The following THOC7 variants were observed in gnomAD, a reference collection of about 807,000 sequenced individuals.
The protein encoded by THOC7 is NIF3L1-binding protein 1.
A neutral mutation model predicts 33.1 loss-of-function variants in THOC7; 22 were observed. The ratio of observed to expected loss-of-function variants is 0.66; its 90% CI spans 0.47 to 0.95. The LOEUF (loss-of-function observed/expected upper bound fraction) is 0.95, where lower values mean the gene tolerates loss of function less well. Ranked by LOEUF, THOC7 falls within the 40% of genes least tolerant of loss-of-function variation. The probability of loss-of-function intolerance (pLI) is 0.00; values close to 1 mark genes in which losing one functional copy is unlikely to be tolerated. For synonymous variants in THOC7, 77 were observed against 76.8 expected (o/e 1.00, Z -0.01); for missense variants, 184 against 245.3 (o/e 0.75, Z 1.67).
At chr3:63,853,077 G>C (rs1702047220) in intron 1 of THOC7, among the ~76,000 whole-genome samples, 1 of 151,764 alleles carries the variant, frequency 6.6e-6, no homozygotes, top group South Asian at 2.1e-4. Context: ...CTTGAATCCA[G>C]GAGGTGGAGT....
intron 1 of THOC7, among the ~76,000 whole-genome samples, chr3:63,857,264 T>C (rs1435128362): frequency 4.6e-5 from 7 of 152,198 alleles, no homozygotes; most frequent in Non-Finnish European, 1.0e-4. Flanking sequence ...ATGTAGTACT[T>C]TTTTTATGAA....
Position 63,834,249 on chromosome 3 carries a change from T to G in THOC7, c.548-50A>C, listed in dbSNP as rs201719917. The G allele has an allele frequency of 6.1e-5, 95 of 1,567,790 alleles. No individual in the cohort carries two copies. In the African/African-American group the frequency reaches 1.2e-3, roughly 20 times the overall value. ...ACCTTAGTCAAGTTTGCCTATATTT[T>G]ATATTCGATGAACACATGAAAACAT... On this transcript the variant is annotated intron_variant, in intron 7 of 7. Transcript: ENST00000295899.
At chr3:63,846,112 G>A (rs999093596) in intron 1 of THOC7, 2 of 382,658 alleles carry the variant, frequency 5.2e-6, no homozygotes, top group Non-Finnish European at 1.1e-5. Context: ...ACCAAGGATG[G>A]TAAAACTGAT....
chr3:63,842,840 G>A (rs1701797410), intron 1 of THOC7, among the ~76,000 whole-genome samples: 1 of 152,152 alleles, frequency 6.6e-6, no homozygotes, highest in Admixed American at 6.5e-5. Context: ...GGAATGCAGT[G>A]GCATGATCTC....
chr3:63,838,146 T>A (rs1701672907), intron 3 of THOC7, 84 bp from the exon 4 acceptor site: 1 of 1,294,242 alleles, frequency 7.7e-7, no homozygotes, highest in Admixed American at 2.3e-5. Flanking sequence ...TAAATTAACC[T>A]CTATTGGTAA....
chr3:63,852,977 CCT>C (rs1212886039), intron 1 of THOC7, among the ~76,000 whole-genome samples: 14 of 151,972 alleles, frequency 9.2e-5, no homozygotes, highest in Middle Eastern at 3.4e-3. Context: ...ATGTTGAAGC[CCT>C]GTCTCTCCTA....
chr3:63,849,777 T>C (rs1701984002), intron 1 of THOC7, among the ~76,000 whole-genome samples: 1 of 152,208 alleles, frequency 6.6e-6, no homozygotes, highest in Admixed American at 6.5e-5. Context: ...TTTTTCTTTT[T>C]CTCCTTTTTT....
chr3:63,863,510 G>T, intron 1 of THOC7: 6 of 1,186,746 alleles, frequency 5.1e-6, no homozygotes, highest in Non-Finnish European at 6.3e-6. Flanking sequence ...ACACCCTATA[G>T]CCCCGCGCTG....
At chr3:63,838,531 A>G (rs754452141) in intron 2 of THOC7, 32 bp from the exon 3 acceptor site, 1 of 1,574,928 alleles carries the variant, frequency 6.3e-7, no homozygotes, top group Non-Finnish European at 8.6e-7. Flanking sequence ...CAAAATAAAG[A>G]TATTTGTGGA....
At chr3:63,846,136 C>CCT (rs369898101) in intron 1 of THOC7, 7 of 412,716 alleles carry the variant, frequency 1.7e-5, no homozygotes, top group South Asian at 3.5e-5. Context: ...ACTCCTACTG[C>CCT]CTCTCTCTCT....
chr3:63,837,125 GA>G (rs1701651722), intron 4 of THOC7, among the ~76,000 whole-genome samples: 1 of 151,520 alleles, frequency 6.6e-6, no homozygotes, highest in African/African-American at 2.4e-5. Context: ...CATTGTTTTA[GA>G]ACTGAGCATA....
chr3:63,846,066 A>T, intron 1 of THOC7: 1 of 285,036 alleles, frequency 3.5e-6, no homozygotes, highest in South Asian at 2.9e-5. Context: ...CACTGTAAAG[A>T]GCTAATGAAA....
At chr3:63,838,972 C>T (rs901024363) in intron 2 of THOC7, among the ~76,000 whole-genome samples, 1 of 152,322 alleles carries the variant, frequency 6.6e-6, no homozygotes, top group Non-Finnish European at 1.5e-5. Flanking sequence ...GGGCAGATCA[C>T]TTAATGCTAG....
intron 7 of THOC7, 91 bp downstream of exon 7, chr3:63,835,063 T>TG: frequency 7.9e-7 from 1 of 1,273,702 alleles, no homozygotes. Context: ...GAAGGTATAC[T>TG]GTCTCTCCAA....
At chr3:63,863,832 AGGCGGCGGTTGGC>A (rs1172502186), upstream of THOC7, 1 of 1,218,592 alleles carries the variant, frequency 8.2e-7, no homozygotes, top group Non-Finnish European at 1.0e-6. Context: ...GCGCAAGCTG[AGGCGGCGGTTGGC>A]GGCGGCGGAG....
chr3:63,863,880 G>C, upstream of THOC7: 2 of 1,178,878 alleles, frequency 1.7e-6, no homozygotes, highest in Non-Finnish European at 2.1e-6. Context: ...ATGCAGCCGG[G>C]TAAACAGCCA....
At chr3:63,841,082 G>A (rs1701748784) in intron 1 of THOC7, among the ~76,000 whole-genome samples, 1 of 152,178 alleles carries the variant, frequency 6.6e-6, no homozygotes, top group Non-Finnish European at 1.5e-5. Context: ...AATAGTATGA[G>A]CCAAAAGAAT....
chr3:63,862,310 T>C (rs1335848360), intron 1 of THOC7, among the ~76,000 whole-genome samples: 2 of 152,228 alleles, frequency 1.3e-5, no homozygotes, highest in Admixed American at 6.5e-5. Flanking sequence ...TGGGATTAAC[T>C]TCGAGGAGGC....
intron 1 of THOC7, among the ~76,000 whole-genome samples, chr3:63,859,482 G>A (rs1437564730): frequency 1.3e-5 from 2 of 152,170 alleles, no homozygotes; most frequent in African/African-American, 2.4e-5. Context: ...TTCACCTCGG[G>A]CCTTTGCACT....
Sources: gnomAD v4.1 joint callset for allele counts (sites outside exome capture counted in the v4.1 genomes callset) on GRCh38, gnomAD v4.1.1 for gene constraint, MANE v1.5 for transcripts, NCBI Gene and HGNC (gene_info 2026-07-23, HGNC 2026-07-21) for gene names.